SLC35F4: variants seen among roughly 807,000 people sequenced by gnomAD.
SLC35F4 encodes the protein solute carrier family 35 member F4.
In SLC35F4, 24 loss-of-function variants were observed where a neutral mutation model predicts 44.2. That is an observed-to-expected ratio of 0.54 (90% CI 0.39 to 0.76). SLC35F4 has a LOEUF of 0.76. SLC35F4 is among the 30% of genes least tolerant of loss of function. The pLI, the probability that SLC35F4 is intolerant of heterozygous loss-of-function variation, is 0.00. For missense variants in SLC35F4, 562 were observed against 586.1 expected, an observed-to-expected ratio of 0.96 and a Z score of 0.42; for synonymous variants, 238 against 223.6, an observed-to-expected ratio of 1.06 and a Z score of -0.57.
chr14:57,717,473 A>G (rs950612860), intron 1 of SLC35F4, among the ~76,000 whole-genome samples: 7 of 152,068 alleles, frequency 4.6e-5, no homozygotes, highest in Non-Finnish European at 1.0e-4. Context: ...TGTCTCTACT[A>G]AAAATACAAA....
intron 1 of SLC35F4, among the ~76,000 whole-genome samples, chr14:57,788,612 A>C (rs1023408287): frequency 6.6e-6 from 1 of 152,214 alleles, no homozygotes; most frequent in Non-Finnish European, 1.5e-5. Flanking sequence ...CTCCAAAAGG[A>C]ACTTTTAAAA....
At position 57,943,893 on chromosome 14, in the gene SLC35F4, G is replaced by C. The variant is rs114247972; in HGVS notation, n.282+38020C>G. Among the ~76,000 whole-genome samples, 759 of 152,282 alleles carry C rather than the reference G, an allele frequency of 5.0e-3. 7 individuals are homozygous for C. The highest frequency in any genetic ancestry group is 0.017 in the African/African-American group (716 of 41,564). On this transcript the variant is annotated intron_variant and non_coding_transcript_variant, in intron 1 of 1. Coordinates refer to the SLC35F4 transcript ENST00000556568. ...CTTCCCTGCTGGGAGTGAATTGGCA[G>C]GGCTGAAGACTGAACAGTTTCATTA...
At chr14:57,758,484 ATAT>A (rs2077048325) in intron 1 of SLC35F4, among the ~76,000 whole-genome samples, 1 of 151,990 alleles carries the variant, frequency 6.6e-6, no homozygotes, top group Non-Finnish European at 1.5e-5. Context: ...TTTATCCCAG[ATAT>A]TATAGTTTTC....
chr14:57,577,584 A>G (rs895113659), intron 4 of SLC35F4, among the ~76,000 whole-genome samples: 1 of 152,198 alleles, frequency 6.6e-6, no homozygotes, highest in Admixed American at 6.5e-5. Context: ...TCTGGCATCT[A>G]CTTTTCATTG....
chr14:57,663,508 G>A (rs1044386380), intron 1 of SLC35F4, among the ~76,000 whole-genome samples: 1 of 152,118 alleles, frequency 6.6e-6, no homozygotes, highest in Non-Finnish European at 1.5e-5. Flanking sequence ...GCAGCCTCTG[G>A]AAGCACCAGT....
chr14:57,891,765 A>G (rs1888772009), intron 1 of SLC35F4, among the ~76,000 whole-genome samples: 2 of 152,134 alleles, frequency 1.3e-5, no homozygotes, highest in Admixed American at 1.3e-4. Context: ...AGTCCCAGCT[A>G]CTTGGGAGGC....
intron 1 of SLC35F4, among the ~76,000 whole-genome samples, chr14:57,720,776 A>C (rs2076064589): frequency 1.3e-5 from 2 of 151,902 alleles, no homozygotes; most frequent in South Asian, 4.2e-4. Flanking sequence ...CATGGCTAGA[A>C]TATAAAGCAG....
At chr14:57,887,010 A>G (rs1888663973) in intron 1 of SLC35F4, among the ~76,000 whole-genome samples, 1 of 152,058 alleles carries the variant, frequency 6.6e-6, no homozygotes, top group Non-Finnish European at 1.5e-5. Context: ...GTTCCATGCT[A>G]TGTTATACTT....
At chr14:57,656,875 TTC>T (rs1297555454) in intron 1 of SLC35F4, among the ~76,000 whole-genome samples, 1 of 152,208 alleles carries the variant, frequency 6.6e-6, no homozygotes, top group East Asian at 1.9e-4. Context: ...TTCTGTGATA[TTC>T]TGAGTGTAAA....
intron 1 of SLC35F4, among the ~76,000 whole-genome samples, chr14:57,832,443 G>C (rs189217272): frequency 6.8e-4 from 104 of 152,294 alleles, no homozygotes; most frequent in Middle Eastern, 6.8e-3. Flanking sequence ...TGTATGACAT[G>C]AGGACTATAG....
intron 1 of SLC35F4, among the ~76,000 whole-genome samples, chr14:57,700,385 A>G (rs905767005): frequency 7.8e-6 from 1 of 128,100 alleles, no homozygotes; most frequent in Non-Finnish European, 1.7e-5. Flanking sequence ...GCTCTAGGTC[A>G]GTGAGCAACT....
At chr14:57,831,837 A>G (rs1382206139) in intron 1 of SLC35F4, among the ~76,000 whole-genome samples, 1 of 151,992 alleles carries the variant, frequency 6.6e-6, no homozygotes, top group Non-Finnish European at 1.5e-5. Context: ...GAAGTGAAAA[A>G]CCCTACTGTG....
At chr14:57,616,573 G>A (rs1475182193) in intron 1 of SLC35F4, among the ~76,000 whole-genome samples, 16 of 152,196 alleles carry the variant, frequency 1.1e-4, no homozygotes, top group Admixed American at 1.0e-3. Context: ...CTAGGGAAGT[G>A]TATGAATTGG....
intron 1 of SLC35F4, among the ~76,000 whole-genome samples, chr14:57,605,987 G>C (rs2071141474): frequency 6.6e-6 from 1 of 152,110 alleles, no homozygotes; most frequent in Admixed American, 6.5e-5. Flanking sequence ...GGGTGATAAG[G>C]TTGAAAAAAC....
chr14:57,840,354 G>C (rs1885371405), intron 1 of SLC35F4, among the ~76,000 whole-genome samples: 1 of 152,114 alleles, frequency 6.6e-6, no homozygotes, highest in East Asian at 1.9e-4. Context: ...TTAAAGTAAT[G>C]GCATATTGAC....
At chr14:57,873,480 A>T (rs914956244) in intron 1 of SLC35F4, among the ~76,000 whole-genome samples, 2 of 152,220 alleles carry the variant, frequency 1.3e-5, no homozygotes, top group African/African-American at 4.8e-5. Flanking sequence ...TACACTTTAG[A>T]TATTAAAATT....
At chr14:57,868,675 A>G (rs1386715124), upstream of SLC35F4, among the ~76,000 whole-genome samples, 2 of 152,032 alleles carry the variant, frequency 1.3e-5, no homozygotes, top group African/African-American at 4.8e-5. Flanking sequence ...ATGGGGTTTC[A>G]CCATGTTGGC....
intron 1 of SLC35F4, among the ~76,000 whole-genome samples, chr14:57,907,333 C>T (rs1889120847): frequency 6.6e-6 from 1 of 152,148 alleles, no homozygotes. Context: ...CTGTGTGGCT[C>T]ACTTCATTAA....
At chr14:57,774,804 T>A (rs900882666) in intron 1 of SLC35F4, among the ~76,000 whole-genome samples, 3 of 152,180 alleles carry the variant, frequency 2.0e-5, no homozygotes, top group African/African-American at 4.8e-5. Flanking sequence ...TGCAAGCACT[T>A]GCCCAGAGCC....
Sources: allele counts gnomAD v4.1 joint callset (sites outside exome capture counted in the v4.1 genomes callset), GRCh38; gene constraint gnomAD v4.1.1; transcripts MANE v1.5; gene names NCBI Gene and HGNC (gene_info 2026-07-23, HGNC 2026-07-21).